The following AUH variants were observed in gnomAD, a reference collection of about 807,000 sequenced individuals.
AUH encodes methylglutaconyl-CoA hydratase, mitochondrial.
AUH carries 29 observed loss-of-function variants against 42.3 expected under a neutral mutation model. The observed-to-expected ratio is 0.69, with a 90% confidence interval of 0.51 to 0.93. AUH has a LOEUF of 0.93. Ranked by LOEUF, AUH falls within the 40% of genes least tolerant of loss-of-function variation. The probability of loss-of-function intolerance (pLI) is 0.00; values close to 1 mark genes in which losing one functional copy is unlikely to be tolerated. For synonymous variants in AUH, 174 were observed against 166.4 expected (o/e 1.05, Z -0.35); for missense variants, 452 against 438.1 (o/e 1.03, Z -0.28).
At chr9:91,348,035 C>A (rs1374931631) in intron 3 of AUH, among the ~76,000 whole-genome samples, 2 of 149,034 alleles carry the variant, frequency 1.3e-5, no homozygotes, top group East Asian at 4.3e-4. Flanking sequence ...AGAAAACTTA[C>A]CAAGTATAAC....
chr9:91,309,803 G>A lies in AUH; in HGVS notation c.506-11727C>T, dbSNP rs149526916. Among the ~76,000 whole-genome samples the A allele has an allele frequency of 7.2e-5, 11 of 152,210 alleles. 1 individual carries two copies. Among genetic ancestry groups the A allele is most frequent in the East Asian group, 5.8e-4 (3 of 5,174 alleles). ...GTAACAAACCTGCACATGTATCCCC[G>A]GATCTAACATAAAATAAGCACAAAC... On this transcript the variant is annotated intron_variant, in intron 4 of 9. Transcript: ENST00000375731.
chr9:91,315,221 G>A (rs1008521106), intron 4 of AUH, among the ~76,000 whole-genome samples: 1 of 152,216 alleles, frequency 6.6e-6, no homozygotes, highest in Non-Finnish European at 1.5e-5. Flanking sequence ...TTACAGGCAT[G>A]AGCCACCGCG....
At chr9:91,247,765 T>C (rs1348694645) in intron 6 of AUH, among the ~76,000 whole-genome samples, 5 of 152,268 alleles carry the variant, frequency 3.3e-5, no homozygotes, top group Non-Finnish European at 7.3e-5. Context: ...TAAAGACTAC[T>C]GATGTAGAGC....
chr9:91,330,439 A>G (rs925829257), intron 3 of AUH, among the ~76,000 whole-genome samples: 14 of 152,226 alleles, frequency 9.2e-5, no homozygotes, highest in African/African-American at 2.9e-4. Flanking sequence ...CTGAAAATTA[A>G]TAAGATGAAA....
chr9:91,307,431 C>T (rs763506700), intron 4 of AUH, among the ~76,000 whole-genome samples: 1 of 152,082 alleles, frequency 6.6e-6, no homozygotes, highest in Non-Finnish European at 1.5e-5. Context: ...CCCTTACGTG[C>T]GGTTTCACTT....
intron 3 of AUH, among the ~76,000 whole-genome samples, chr9:91,340,386 A>G (rs944391460): frequency 3.9e-5 from 6 of 152,262 alleles, no homozygotes; most frequent in African/African-American, 1.4e-4. Context: ...TTAATATAAA[A>G]TTTAATGAGT....
intron 6 of AUH, among the ~76,000 whole-genome samples, chr9:91,227,764 C>G (rs1208598315): frequency 1.3e-5 from 2 of 152,094 alleles, no homozygotes; most frequent in Non-Finnish European, 2.9e-5. Flanking sequence ...TAGCATGAAG[C>G]ATTGTTGAAT....
intron 6 of AUH, among the ~76,000 whole-genome samples, chr9:91,231,030 G>A (rs1224652078): frequency 1.3e-5 from 2 of 152,234 alleles, no homozygotes; most frequent in Non-Finnish European, 2.9e-5. Context: ...CCCCAGAGGT[G>A]GAGCCTACAG....
intron 6 of AUH, among the ~76,000 whole-genome samples, chr9:91,245,452 G>A (rs938914146): frequency 1.3e-5 from 2 of 152,216 alleles, no homozygotes; most frequent in African/African-American, 4.8e-5. Context: ...TATCTGATAA[G>A]AGGAAAGCTG....
At chr9:91,249,292 CAAAAAAAAAA>C (rs59102669) in intron 6 of AUH, among the ~76,000 whole-genome samples, 32 of 32,534 alleles carry the variant, frequency 9.8e-4, no homozygotes, top group East Asian at 3.0e-3. Flanking sequence ...GAACCTGTCT[CAAAAAAAAAA>C]AAAAAAAAAA....
At chr9:91,254,726 T>C (rs976241171) in intron 6 of AUH, among the ~76,000 whole-genome samples, 3 of 152,244 alleles carry the variant, frequency 2.0e-5, no homozygotes, top group African/African-American at 7.2e-5. Flanking sequence ...ATGACATCAA[T>C]GCAACAATAT....
chr9:91,349,679 G>GACAC (rs35888854), intron 3 of AUH, among the ~76,000 whole-genome samples: 33 of 149,180 alleles, frequency 2.2e-4, no homozygotes, highest in South Asian at 8.5e-4. Flanking sequence ...CAGAGAGACA[G>GACAC]ACACACACAC....
At chr9:91,348,103 AATGAG>A (rs1008372250) in intron 3 of AUH, among the ~76,000 whole-genome samples, 3 of 152,090 alleles carry the variant, frequency 2.0e-5, no homozygotes, top group Admixed American at 1.3e-4. Context: ...CTTACAACTC[AATGAG>A]ATGAGATTCT....
intron 4 of AUH, among the ~76,000 whole-genome samples, chr9:91,300,968 C>T (rs1164203664): frequency 6.6e-6 from 1 of 152,212 alleles, no homozygotes; most frequent in African/African-American, 2.4e-5. Context: ...CAAAAATTAA[C>T]ATCACATCAA....
rs146424057 is a variant in AUH at position 91,335,315 on chromosome 9, A to C, written c.419-9911T>G. Reference sequence around the variant, plus strand: ...TTTGGTTAATTTTTATTTTCTAGTAATTTATCTATTCCACCTAAAATCTTG... The same window carrying C: ...TTTGGTTAATTTTTATTTTCTAGTACTTTATCTATTCCACCTAAAATCTTG... On this transcript the variant is annotated intron_variant, in intron 3 of 9. Transcript: ENST00000375731. Among the ~76,000 whole-genome samples, 883 of 145,294 alleles carry C rather than the reference A, an allele frequency of 6.1e-3. 3 individuals are homozygous for C. Among genetic ancestry groups the C allele is most frequent in the Non-Finnish European group, 0.01 (706 of 67,240 alleles).
intron 1 of AUH, chr9:91,357,521 G>A (rs1832511800): frequency 1.0e-6 from 1 of 957,190 alleles, no homozygotes; most frequent in Non-Finnish European, 1.2e-6. Context: ...AGTCTAGGAG[G>A]GAAATACAAA....
chr9:91,296,173 C>G lies in AUH; in HGVS notation c.599-96G>C. 3 of 1,190,908 alleles carry G rather than the reference C, an allele frequency of 2.5e-6. 1 individual carries two copies. Among genetic ancestry groups the G allele is most frequent in the Middle Eastern group, 3.9e-4 (2 of 5,182 alleles). 73.8% of individuals were successfully genotyped at this position (1,190,908 alleles called of 1,614,324 possible). A position where few individuals can be genotyped will look rare whatever the true frequency, so the allele number is the denominator to read the frequency against. ...ATGAGATATACTAAAATATTGTTTACTAATTAAATTGATATCACAAATTCT... is the reference window on the plus strand; with the variant it reads ...ATGAGATATACTAAAATATTGTTTAGTAATTAAATTGATATCACAAATTCT... On this transcript the variant is annotated intron_variant, in intron 5 of 9. Coordinates refer to ENST00000375731, the MANE Select transcript of AUH (RefSeq NM_001698.3).
Position 91,318,838 on chromosome 9 carries a change from G to A in AUH, c.505+6480C>T, listed in dbSNP as rs992373606. ...CTGCACTCTCCAGAAATTGGAAAGT[G>A]GCAGTTTTGGGAAAGGATTCTGTCC... On this transcript the variant is annotated intron_variant, in intron 4 of 9. Transcript: ENST00000375731. Among the ~76,000 whole-genome samples the A allele has an allele frequency of 8.5e-5, 13 of 152,308 alleles. No homozygotes were observed. The East Asian group carries it at 2.3e-3, about 27-fold the overall frequency.
At chr9:91,305,618 T>A (rs1377766179) in intron 4 of AUH, among the ~76,000 whole-genome samples, 1 of 152,166 alleles carries the variant, frequency 6.6e-6, no homozygotes, top group African/African-American at 2.4e-5. Context: ...CCTGCCTTCC[T>A]ACCTTTCTAT....
Sources: allele counts gnomAD v4.1 joint callset (sites outside exome capture counted in the v4.1 genomes callset), GRCh38; gene constraint gnomAD v4.1.1; transcripts MANE v1.5; gene names NCBI Gene and HGNC (gene_info 2026-07-23, HGNC 2026-07-21).